TRIO: variants seen among roughly 807,000 people sequenced by gnomAD.
TRIO encodes the protein triple functional domain protein.
In TRIO, 58 loss-of-function variants were observed where a neutral mutation model predicts 351.9. That is an observed-to-expected ratio of 0.16 (90% CI 0.13 to 0.21). The LOEUF (loss-of-function observed/expected upper bound fraction) is 0.21. Ranked by LOEUF, TRIO falls within the 10% of genes least tolerant of loss-of-function variation. The pLI is 1.00. For missense variants in TRIO, 3,201 were observed against 4,027.8 expected, an observed-to-expected ratio of 0.79 and a Z score of 5.56; for synonymous variants, 1,758 against 1,595.7, an observed-to-expected ratio of 1.10 and a Z score of -2.42.
At chr5:14,448,731 T>C (rs1752624506) in intron 34 of TRIO, among the ~76,000 whole-genome samples, 3 of 152,176 alleles carry the variant, frequency 2.0e-5, no homozygotes, top group Non-Finnish European at 4.4e-5. Context: ...TGTGTGTCTT[T>C]CTGGTTTCAT....
In TRIO at chr5:14,361,188, C is replaced by T. The variant is rs6887008; in HGVS notation, c.2391+1657C>T. 7.1e-3 allele frequency among the ~76,000 whole-genome samples: 1,072 copies of T among 151,960 alleles called. 14 individuals carry two copies. Among genetic ancestry groups the T allele is most frequent in the African/African-American group, 0.025 (1,026 of 41,410 alleles). On this transcript the variant is annotated intron_variant, in intron 13 of 56. Transcript: ENST00000344204. ...CATTTTGATACTTGAAAAAAAAAATCGATTCGTTTATCTTAATACTATAAA... is the reference window on the plus strand; with the variant it reads ...CATTTTGATACTTGAAAAAAAAAATTGATTCGTTTATCTTAATACTATAAA...
intron 31 of TRIO, among the ~76,000 whole-genome samples, chr5:14,403,907 G>C (rs1216326111): frequency 6.8e-6 from 1 of 146,574 alleles, no homozygotes; most frequent in African/African-American, 2.6e-5. Context: ...GCAGGTGGTG[G>C]TGGTGAGGGT....
At chr5:14,420,352 T>A (rs1750016867) in intron 34 of TRIO, 1 of 276,552 alleles carries the variant, frequency 3.6e-6, no homozygotes, top group South Asian at 4.2e-5. Context: ...TGTGTCATGA[T>A]ACCTCCTGGA....
intron 11 of TRIO, among the ~76,000 whole-genome samples, chr5:14,355,376 C>T (rs577069893): frequency 6.6e-6 from 1 of 152,278 alleles, no homozygotes; most frequent in South Asian, 2.1e-4. Flanking sequence ...TAATTTTGTC[C>T]AGAGCGTTGC....
At chr5:14,207,908 CAGA>C (rs1791646633) in intron 1 of TRIO, among the ~76,000 whole-genome samples, 1 of 152,116 alleles carries the variant, frequency 6.6e-6, no homozygotes. Context: ...ATAAACACAT[CAGA>C]AGATGTTCAA....
chr5:14,396,443 CTTTTTTTTTTTTTTTTTTTTTT>C (rs1173121592), intron 28 of TRIO, among the ~76,000 whole-genome samples: 33 of 41,552 alleles, frequency 7.9e-4, no homozygotes, highest in South Asian at 7.7e-3. Flanking sequence ...TTCTATTTAT[CTTTTTTTTTTTTTTTTTTTTTT>C]TTTTTTTTTT....
At chr5:14,370,333 A>T (rs1192032213) in intron 18 of TRIO, among the ~76,000 whole-genome samples, 2 of 152,154 alleles carry the variant, frequency 1.3e-5, no homozygotes, top group Non-Finnish European at 2.9e-5. Flanking sequence ...GCTTTGGAAC[A>T]GTTAAATTTT....
Position 14,374,311 on chromosome 5 carries a change from C to G in TRIO, c.3299C>G (p.Thr1100Arg). ...RNSVNMPGMV[T>R]HIKAPEQQVK... ...AGCGTGAACATGCCAGGAATGGTGA[C>G]GCACATCAAAGCTCCTGAACAGCAA... The change falls in exon 19 of 57, where the codon ACG (threonine) becomes AGG (arginine). Residue 1100 changes from threonine to arginine, a missense_variant. By Grantham distance (71) the Thr-to-Arg change is moderately conservative. Transcript: ENST00000344204. 1 of 1,613,340 alleles carries G rather than the reference C, an allele frequency of 6.2e-7. No individual in the cohort carries two copies. The highest frequency in any genetic ancestry group is 1.1e-5 in the South Asian group (1 of 91,028).
intron 1 of TRIO, among the ~76,000 whole-genome samples, chr5:14,232,005 A>G (rs977020901): frequency 6.6e-6 from 1 of 152,192 alleles, no homozygotes; most frequent in African/African-American, 2.4e-5. Context: ...CTTAATTATA[A>G]CAGCAGCCAC....
At chr5:14,451,245 C>T (rs1752828395) in intron 34 of TRIO, among the ~76,000 whole-genome samples, 1 of 152,052 alleles carries the variant, frequency 6.6e-6, no homozygotes, top group Non-Finnish European at 1.5e-5. Context: ...CTGGAAGTTG[C>T]ATCCAGAGGA....
chr5:14,508,056 G>T lies in TRIO; in HGVS notation c.8928G>T (p.Trp2976Cys). 1 of 1,614,216 alleles carries T rather than the reference G, an allele frequency of 6.2e-7. No individual in the cohort carries two copies. Among genetic ancestry groups the T allele is most frequent in the Non-Finnish European group, 8.5e-7 (1 of 1,180,034 alleles). The stretch of plus-strand genomic sequence containing the variant: ...CTGTCTCCCTGACCTCGGATACGTG[G>T]AGTGTTGGAGTGCTCACATACGTAC... Reference protein sequence around the residue: ...GNPVSLTSDTWSVGVLTYVLL... With the variant: ...GNPVSLTSDTCSVGVLTYVLL... The change falls in exon 57 of 57, where the codon TGG (tryptophan) becomes TGT (cysteine). Residue 2976 changes from tryptophan to cysteine, a missense_variant. By Grantham distance (215) the Trp-to-Cys change is radical. This residue lies in a region of TRIO where 233 missense variants were observed against 292.6 expected (regional missense o/e 0.80). Coordinates refer to ENST00000344204, the MANE Select transcript of TRIO (RefSeq NM_007118.4).
intron 2 of TRIO, among the ~76,000 whole-genome samples, chr5:14,276,094 A>G (rs1735498699): frequency 6.6e-6 from 1 of 151,032 alleles, no homozygotes; most frequent in African/African-American, 2.4e-5. Context: ...TGCAGTGAAC[A>G]TTCACTCTTA....
At position 14,487,999 on chromosome 5, in the gene TRIO, G is replaced by T; in HGVS notation, c.7371G>T (p.Leu2457=). The change falls in exon 48 of 57, where the codon CTG becomes CTT. Residue 2457 remains leucine, a synonymous_variant. Transcript: ENST00000344204. Reference sequence around the variant, plus strand: ...CCCGGGCCGGGGCCGCTTCGCCGCTGAACTCGCCGCTCTCCAGCGCGGTCC... The same window carrying T: ...CCCGGGCCGGGGCCGCTTCGCCGCTTAACTCGCCGCTCTCCAGCGCGGTCC... ...GKPRAGAASP[L]NSPLSSAVPS... is the part of the protein sequence containing the mutation. The T allele has an allele frequency of 6.4e-7, 1 of 1,571,028 alleles. No individual in the cohort carries two copies. Among genetic ancestry groups the T allele is most frequent in the East Asian group, 2.4e-5 (1 of 42,050 alleles).
At chr5:14,350,225 T>C (rs765900900) in intron 11 of TRIO, among the ~76,000 whole-genome samples, 5 of 152,136 alleles carry the variant, frequency 3.3e-5, no homozygotes, top group African/African-American at 7.2e-5. Flanking sequence ...GATCTGCAGG[T>C]ATTTGAAGAC....
In TRIO at chr5:14,508,563, C is replaced by A; in HGVS notation, c.*141C>A. On this transcript the variant is annotated 3_prime_UTR_variant, in exon 57 of 57. Coordinates refer to ENST00000344204, the MANE Select transcript of TRIO (RefSeq NM_007118.4). ...AATTGCATTCCAAGTGAGCTGTGCT[C>A]AGCAGTGCTTGGACACAGAGCTGCA... 8.9e-7 allele frequency: 1 copy of A among 1,123,828 alleles called. No homozygotes were observed. The highest frequency in any genetic ancestry group is 1.3e-6 in the Non-Finnish European group (1 of 799,658). The allele number at this position is 1,123,828 out of a possible 1,614,324, so 69.6% of individuals were successfully genotyped here.
chr5:14,361,788 A>T lies in TRIO; in HGVS notation c.2392-1944A>T, dbSNP rs370317095. ...GGGTGGTGTCGTCATCTCTCGCAAG[A>T]AGCTTTTCCTGCTTTTTAGATTTTA... On this transcript the variant is annotated intron_variant, in intron 13 of 56. Coordinates refer to ENST00000344204, the MANE Select transcript of TRIO (RefSeq NM_007118.4). Among the ~76,000 whole-genome samples the T allele has an allele frequency of 8.5e-5, 13 of 152,246 alleles. No individual in the cohort carries two copies. The East Asian group carries it at 1.9e-3, about 23-fold the overall frequency.
At chr5:14,450,026 C>G (rs27111) in intron 34 of TRIO, among the ~76,000 whole-genome samples, 2 of 152,140 alleles carry the variant, frequency 1.3e-5, no homozygotes, top group Admixed American at 1.3e-4. Context: ...CAAAGTCTTG[C>G]ATTTGTCTAC....
chr5:14,390,793 C>A (rs1747015090), intron 26 of TRIO, 108 bp from the exon 27 acceptor site: 1 of 857,298 alleles, frequency 1.2e-6, no homozygotes, highest in African/African-American at 1.8e-5. Context: ...GTCTCTTCAA[C>A]TCGAGGCTTA....
rs1739404957 is a variant in TRIO, at chr5:14,316,648, C to T, written c.1636C>T (p.His546Tyr). The T allele has an allele frequency of 6.2e-7, 1 of 1,614,232 alleles. No individual in the cohort carries two copies. The highest frequency in any genetic ancestry group is 8.5e-7 in the Non-Finnish European group (1 of 1,180,048). The change falls in exon 9 of 57, where the codon CAC (histidine) becomes TAC (tyrosine). Residue 546 changes from histidine (H) to tyrosine (Y), a missense_variant. Around this residue, in one of 19 missense-constraint regions of TRIO, gnomAD observed 349 missense variants for 449.3 expected, o/e 0.78. Transcript: ENST00000344204. ...HVLDVIHEVL[H>Y]HQRQLENIWQ... ...CCTGGATGTCATCCACGAGGTGCTGCACCACCAGCGGCAGCTGGAGAACAT... is the reference window on the plus strand; with the variant it reads ...CCTGGATGTCATCCACGAGGTGCTGTACCACCAGCGGCAGCTGGAGAACAT...
Sources: gnomAD v4.1 joint callset for allele counts (sites outside exome capture counted in the v4.1 genomes callset) on GRCh38, gnomAD v4.1.1 for gene constraint, gnomAD v4.1.1 regional missense constraint, MANE v1.5 for transcripts, NCBI Gene and HGNC (gene_info 2026-07-23, HGNC 2026-07-21) for gene names.